The following FUT8 variants were observed in gnomAD, a reference collection of about 807,000 sequenced individuals.
FUT8 encodes the protein alpha-(1,6)-fucosyltransferase.
Under a neutral mutation model 71.3 loss-of-function variants are expected in FUT8, and 29 were observed. The ratio of observed to expected loss-of-function variants is 0.41; its 90% confidence interval spans 0.30 to 0.55. FUT8 has a LOEUF of 0.55. Among genes scored for constraint, FUT8 ranks in the 20% least tolerant of loss-of-function variants. FUT8 has a pLI of 0.34. For missense variants in FUT8, 544 were observed against 702.1 expected (o/e 0.77, Z 2.55); for synonymous variants, 254 against 239.3 (o/e 1.06, Z -0.57).
intron 3 of FUT8, among the ~76,000 whole-genome samples, chr14:65,609,576 C>T (rs1888770248): frequency 6.6e-6 from 1 of 151,762 alleles, no homozygotes. Context: ...TGGGCCTATT[C>T]CCGGACTCTT....
the FUT8 span, among the ~76,000 whole-genome samples, chr14:65,360,063 C>G: frequency 2.0e-5 from 3 of 152,130 alleles, no homozygotes; most frequent in Non-Finnish European, 2.9e-5. Context: ...GATCTCCTGA[C>G]CTCATGATCC....
chr14:65,438,436 TG>T (rs1289241967), intron 1 of FUT8, among the ~76,000 whole-genome samples: 3 of 152,310 alleles, frequency 2.0e-5, no homozygotes, highest in South Asian at 4.1e-4. Context: ...TAGAAGTATT[TG>T]GTATTTCCCA....
upstream of FUT8, chr14:65,410,533 A>G (rs1191737911): frequency 4.0e-5 from 6 of 150,566 alleles, no homozygotes; most frequent in African/African-American, 1.5e-4. Flanking sequence ...ATACTGTTCT[A>G]TACAAATGCA....
upstream of FUT8, among the ~76,000 whole-genome samples, chr14:65,409,446 A>T (rs2065101603): frequency 6.6e-6 from 1 of 152,236 alleles, no homozygotes; most frequent in African/African-American, 2.4e-5. This position sits in a 1 kb window ranked among gnomAD's most constrained non-coding sequence, Gnocchi z 5.4. Context: ...TTTGAGAATT[A>T]AATGGTGGAG....
At chr14:65,611,209 GCGCGCGCGCGCGCGCACA>G (rs1888905185) in intron 3 of FUT8, among the ~76,000 whole-genome samples, 1 of 6,098 alleles carries the variant, frequency 1.6e-4, no homozygotes, top group Non-Finnish European at 8.2e-4. Flanking sequence ...GCGCGCGCGC[GCGCGCGCGCGCGCGCACA>G]CACACACACA....
At chr14:65,551,737 A>C (rs969108225) in intron 2 of FUT8, among the ~76,000 whole-genome samples, 2 of 152,190 alleles carry the variant, frequency 1.3e-5, no homozygotes, top group African/African-American at 4.8e-5. Context: ...GAATTTTAAA[A>C]AAGAAAAAGA....
intron 2 of FUT8, among the ~76,000 whole-genome samples, chr14:65,559,138 A>G (rs1010476276): frequency 3.9e-5 from 6 of 152,110 alleles, no homozygotes; most frequent in Non-Finnish European, 7.4e-5. Flanking sequence ...AAAATGTTTC[A>G]GCATGTCTTT....
chr14:65,673,177 C>T (rs967796517), intron 7 of FUT8, among the ~76,000 whole-genome samples: 3 of 152,138 alleles, frequency 2.0e-5, no homozygotes, highest in East Asian at 1.9e-4. Flanking sequence ...GGTAGATGAC[C>T]GTTTGGTATA....
In FUT8 at chr14:65,516,997, T is replaced by G. The variant is rs186452784; in HGVS notation, c.-227-44340T>G. On this transcript the variant is annotated intron_variant, in intron 2 of 10. Transcript: ENST00000673929. ...TCCTTCTAGGACTGGCTCATTGTAT[T>G]TAGCATAATGTCTTCAAGGTTCATC... Among the ~76,000 whole-genome samples the G allele has an allele frequency of 4.0e-5, 6 of 151,750 alleles. No homozygotes were observed. In the Admixed American group the frequency reaches 4.0e-4, roughly 10 times the overall value.
chr14:65,651,743 A>C (rs915911037), intron 6 of FUT8, among the ~76,000 whole-genome samples: 4 of 152,240 alleles, frequency 2.6e-5, no homozygotes, highest in Non-Finnish European at 5.9e-5. Flanking sequence ...TAAATATAAT[A>C]AACTAAATTA....
intron 3 of FUT8, among the ~76,000 whole-genome samples, chr14:65,600,448 A>C (rs184974804): frequency 6.6e-6 from 1 of 152,202 alleles, no homozygotes; most frequent in Non-Finnish European, 1.5e-5. Context: ...TAGTGCCCTC[A>C]CAGATTTGAA....
Position 65,550,478 on chromosome 14 carries a change from A to C in FUT8, c.-227-10859A>C, listed in dbSNP as rs1397809085. Among the ~76,000 whole-genome samples the C allele has an allele frequency of 2.6e-5, 4 of 152,222 alleles. No individual in the cohort carries two copies. Among genetic ancestry groups the C allele is most frequent in the Non-Finnish European group, 5.9e-5 (4 of 68,046 alleles). ...GTAATTTATTGAATACTTTACTGAA[A>C]GTGAAGAACAAAATGGTTGTAGGGT... is the stretch of plus-strand genomic sequence containing the variant. On this transcript the variant is annotated intron_variant, in intron 2 of 10. Transcript: ENST00000673929. This position sits in a 1 kb window ranked among gnomAD's most constrained non-coding sequence, Gnocchi z 4.5.
chr14:65,691,320 C>A (rs1893576749), intron 7 of FUT8, among the ~76,000 whole-genome samples: 1 of 151,064 alleles, frequency 6.6e-6, no homozygotes, highest in Non-Finnish European at 1.5e-5. Flanking sequence ...GAGGGGCCAT[C>A]CTTGTGTTGT....
intron 1 of FUT8, among the ~76,000 whole-genome samples, chr14:65,417,416 G>T (rs1413747128): frequency 6.6e-6 from 1 of 152,026 alleles, no homozygotes; most frequent in Non-Finnish European, 1.5e-5. Context: ...CCAGGCAAAG[G>T]TTTTTCTTAA....
chr14:65,367,249 T>C, the FUT8 span, among the ~76,000 whole-genome samples: 4 of 152,216 alleles, frequency 2.6e-5, no homozygotes, highest in African/African-American at 9.6e-5. Context: ...CATTAATTTA[T>C]GAGGAGGATA....
At chr14:65,605,302 G>A (rs1397234582) in intron 3 of FUT8, among the ~76,000 whole-genome samples, 1 of 151,704 alleles carries the variant, frequency 6.6e-6, no homozygotes, top group East Asian at 1.9e-4. Flanking sequence ...ATGTATATGG[G>A]CTACCTTTAA....
chr14:65,578,544 T>C (rs894899247), intron 3 of FUT8, among the ~76,000 whole-genome samples: 12 of 152,300 alleles, frequency 7.9e-5, no homozygotes, highest in African/African-American at 2.2e-4. Context: ...TAAAACGTTA[T>C]GAGATTTTGT....
chr14:65,485,369 G>A (rs973278705), intron 2 of FUT8, among the ~76,000 whole-genome samples: 3 of 151,956 alleles, frequency 2.0e-5, no homozygotes, highest in African/African-American at 4.8e-5. Flanking sequence ...ATTTTGTTCC[G>A]GATATGTAGT....
chr14:65,369,973 G>T, the FUT8 span, among the ~76,000 whole-genome samples: 1 of 151,746 alleles, frequency 6.6e-6, no homozygotes, highest in South Asian at 2.1e-4. This position sits in a 1 kb window ranked among gnomAD's most constrained non-coding sequence, Gnocchi z 4.6. Flanking sequence ...CCTCTCTTTG[G>T]GTCTGAATCA....
Sources: allele counts gnomAD v4.1 joint callset (sites outside exome capture counted in the v4.1 genomes callset), GRCh38; gene constraint gnomAD v4.1.1; non-coding constraint Gnocchi (gnomAD v3.1); transcripts MANE v1.5; gene names NCBI Gene and HGNC (gene_info 2026-07-23, HGNC 2026-07-21).